The following ZNF385D variants were observed in gnomAD, a reference collection of about 807,000 sequenced individuals.
ZNF385D encodes the protein zinc finger protein 659.
In ZNF385D, 15 loss-of-function variants were observed where a neutral mutation model predicts 35.8. The observed-to-expected ratio is 0.42, with a 90% CI of 0.28 to 0.64. ZNF385D has a LOEUF of 0.64. Among genes scored for constraint, ZNF385D ranks in the 30% least tolerant of loss-of-function variants. The pLI is 0.23. For missense variants in ZNF385D, 474 were observed against 494.6 expected, an observed-to-expected ratio of 0.96 and a Z score of 0.39; for synonymous variants, 212 against 186.8, an observed-to-expected ratio of 1.13 and a Z score of -1.10.
chr3:21,822,557 C>T (rs1694328465), intron 3 of ZNF385D, among the ~76,000 whole-genome samples: 1 of 152,006 alleles, frequency 6.6e-6, no homozygotes, highest in Non-Finnish European at 1.5e-5. Flanking sequence ...TATCCTACAA[C>T]TCACTGATTC....
chr3:21,535,092 G>C (rs1047153910), intron 3 of ZNF385D, among the ~76,000 whole-genome samples: 3 of 152,020 alleles, frequency 2.0e-5, no homozygotes, highest in African/African-American at 7.2e-5. Context: ...CTAACTGTAG[G>C]CTAAATCATC....
intron 3 of ZNF385D, among the ~76,000 whole-genome samples, chr3:21,549,406 T>A (rs961680197): frequency 6.6e-6 from 1 of 152,220 alleles, no homozygotes; most frequent in African/African-American, 2.4e-5. Context: ...GCTCTGTCCT[T>A]CTGTTCAGGT....
At chr3:21,498,657 C>T (rs1211706957) in intron 4 of ZNF385D, among the ~76,000 whole-genome samples, 1 of 152,014 alleles carries the variant, frequency 6.6e-6, no homozygotes, top group Admixed American at 6.6e-5. Flanking sequence ...AATGAGATGC[C>T]ACCTCACACT....
At chr3:22,251,985 CAT>C (rs1700086402) in intron 2 of ZNF385D, among the ~76,000 whole-genome samples, 1 of 152,004 alleles carries the variant, frequency 6.6e-6, no homozygotes, top group Admixed American at 6.6e-5. Context: ...GTTTTTGGCA[CAT>C]ATTAAACATT....
intron 2 of ZNF385D, among the ~76,000 whole-genome samples, chr3:22,218,924 G>C (rs1010389375): frequency 3.3e-5 from 5 of 152,146 alleles, no homozygotes; most frequent in South Asian, 2.1e-4. Flanking sequence ...GTAGATCATT[G>C]CATGTTAGAC....
chr3:21,751,108 C>T lies in ZNF385D; in HGVS notation c.-192G>A, dbSNP rs761181744. ...GCTGCCTTTCCAGGGCTAAGATCCC[C>T]GGCGGCTGGAGAGTGCGCTCGGGCT... is the stretch of plus-strand genomic sequence containing the variant. On this transcript the variant is annotated 5_prime_UTR_variant, in exon 1 of 8. Transcript: ENST00000281523. The T allele has an allele frequency of 6.8e-6, 10 of 1,477,952 alleles. No individual in the cohort carries two copies. Among genetic ancestry groups the T allele is most frequent in the African/African-American group, 4.2e-5 (3 of 70,902 alleles). The allele number at this position is 1,477,952 out of a possible 1,614,324, so 91.6% of individuals were successfully genotyped here. A position where few individuals can be genotyped will look rare whatever the true frequency, so the allele number is the denominator to read the frequency against.
intron 3 of ZNF385D, among the ~76,000 whole-genome samples, chr3:22,157,926 G>C (rs1305229614): frequency 6.6e-6 from 1 of 152,126 alleles, no homozygotes; most frequent in East Asian, 1.9e-4. Context: ...AACTGGAATA[G>C]AGTCTAGATG....
chr3:21,910,455 C>A (rs955869223), intron 3 of ZNF385D, among the ~76,000 whole-genome samples: 2 of 151,896 alleles, frequency 1.3e-5, no homozygotes, highest in African/African-American at 4.8e-5. Flanking sequence ...AATATTAAGT[C>A]TTGTTTGCTT....
chr3:21,864,730 C>T (rs1000458842), intron 3 of ZNF385D, among the ~76,000 whole-genome samples: 1 of 152,028 alleles, frequency 6.6e-6, no homozygotes, highest in African/African-American at 2.4e-5. Context: ...GCTCTCCATT[C>T]CAATATTTAT....
intron 3 of ZNF385D, among the ~76,000 whole-genome samples, chr3:21,904,137 C>G (rs918984992): frequency 1.3e-5 from 2 of 151,682 alleles, no homozygotes; most frequent in Non-Finnish European, 2.9e-5. Flanking sequence ...AATCCCATCT[C>G]TACTAAAAAC....
intron 3 of ZNF385D, among the ~76,000 whole-genome samples, chr3:22,153,464 C>CTTTTTTTTT: frequency 9.1e-6 from 1 of 109,326 alleles, no homozygotes; most frequent in Non-Finnish European, 1.8e-5. Flanking sequence ...TGAAATTCTT[C>CTTTTTTTTT]TTTTTTTTTT....
At chr3:22,035,461 C>G (rs1698255571) in intron 3 of ZNF385D, among the ~76,000 whole-genome samples, 1 of 152,248 alleles carries the variant, frequency 6.6e-6, no homozygotes, top group African/African-American at 2.4e-5. Flanking sequence ...CAGAGCATAA[C>G]AGAACACAAA....
At chr3:21,947,397 A>T (rs910920629) in intron 3 of ZNF385D, among the ~76,000 whole-genome samples, 1 of 151,840 alleles carries the variant, frequency 6.6e-6, no homozygotes, top group Admixed American at 6.6e-5. Flanking sequence ...TGTCGCCCAG[A>T]TTGTGTGCAA....
intron 3 of ZNF385D, among the ~76,000 whole-genome samples, chr3:22,090,457 G>A (rs2928352): frequency 0.13 from 19,459 of 151,944 alleles, 1,554 homozygotes; most frequent in Middle Eastern, 0.24. Flanking sequence ...TTATTATAAG[G>A]AGCATGGTGT....
chr3:21,592,394 T>C (rs2064000231), intron 2 of ZNF385D, among the ~76,000 whole-genome samples: 1 of 24,214 alleles, frequency 4.1e-5, no homozygotes, highest in African/African-American at 3.9e-4. Flanking sequence ...ACTTTTTGAA[T>C]CATAAACAGC....
At chr3:22,155,507 T>C (rs543238551) in intron 3 of ZNF385D, among the ~76,000 whole-genome samples, 1 of 152,170 alleles carries the variant, frequency 6.6e-6, no homozygotes. Context: ...ACACTTTTGT[T>C]AGTGATTAGG....
intron 3 of ZNF385D, among the ~76,000 whole-genome samples, chr3:21,861,741 A>G (rs924160258): frequency 6.6e-6 from 1 of 152,052 alleles, no homozygotes; most frequent in Non-Finnish European, 1.5e-5. Flanking sequence ...AAGTATGAAA[A>G]TTTGGAGATG....
At chr3:22,227,194 G>T (rs772124641) in intron 2 of ZNF385D, among the ~76,000 whole-genome samples, 2 of 151,832 alleles carry the variant, frequency 1.3e-5, no homozygotes, top group African/African-American at 4.9e-5. Context: ...GGCGGGGGGG[G>T]TGTAGGTGCT....
chr3:22,363,160 C>T (rs1419615216), intron 2 of ZNF385D, among the ~76,000 whole-genome samples: 4 of 151,750 alleles, frequency 2.6e-5, no homozygotes, highest in African/African-American at 4.8e-5. Context: ...AGGTCTACCA[C>T]TGCCTGGACC....
Sources: gnomAD v4.1 joint callset for allele counts (sites outside exome capture counted in the v4.1 genomes callset) on GRCh38, gnomAD v4.1.1 for gene constraint, MANE v1.5 for transcripts, NCBI Gene and HGNC (gene_info 2026-07-23, HGNC 2026-07-21) for gene names.